NETO2: variants seen among roughly 807,000 people sequenced by gnomAD.
The protein encoded by NETO2 is neuropilin and tolloid like 2, also known as neuropilin and tolloid-like protein 2.
A neutral mutation model predicts 62.5 loss-of-function variants in NETO2; 28 were observed. The ratio of observed to expected loss-of-function variants is 0.45; its 90% CI spans 0.33 to 0.61. The LOEUF (loss-of-function observed/expected upper bound fraction) is 0.61. Among genes scored for constraint, NETO2 ranks in the 20% least tolerant of loss-of-function variants. The pLI, the probability that NETO2 is intolerant of heterozygous loss-of-function variation, is 0.02. For missense variants in NETO2, 548 were observed against 643.2 expected, an observed-to-expected ratio of 0.85 and a Z score of 1.60; for synonymous variants, 214 against 219.1, an observed-to-expected ratio of 0.98 and a Z score of 0.21.
At chr16:47,117,309 T>C (rs186896914) in intron 6 of NETO2, among the ~76,000 whole-genome samples, 1 of 152,356 alleles carries the variant, frequency 6.6e-6, no homozygotes, top group East Asian at 1.9e-4. Flanking sequence ...AATCTTTGAT[T>C]TCAAGTAATT....
chr16:47,132,041 A>G lies in NETO2; in HGVS notation c.35-16T>C. The G allele has an allele frequency of 6.3e-7, 1 of 1,597,996 alleles. No individual in the cohort carries two copies. The highest frequency in any genetic ancestry group is 8.6e-7 in the Non-Finnish European group (1 of 1,166,836). ...ATTAACAACACTAGAGAAATAACAG[A>G]GAAGAAAAGTTATGAAATTGAATCT... On this transcript the variant is annotated splice_polypyrimidine_tract_variant and intron_variant, in intron 1 of 8. Transcript: ENST00000562435.
At chr16:47,100,592 T>C (rs537170976) in intron 7 of NETO2, among the ~76,000 whole-genome samples, 4 of 151,736 alleles carry the variant, frequency 2.6e-5, no homozygotes, top group African/African-American at 7.2e-5. Flanking sequence ...AAGAATCAAA[T>C]AGACACAATA....
chr16:47,102,165 C>T (rs895435587), intron 7 of NETO2, among the ~76,000 whole-genome samples: 8 of 152,172 alleles, frequency 5.3e-5, no homozygotes, highest in Non-Finnish European at 7.4e-5. Context: ...ACAAATCTGA[C>T]GAAAACAAGC....
chr16:47,114,665 T>C (rs1963873210), intron 6 of NETO2, among the ~76,000 whole-genome samples: 1 of 151,670 alleles, frequency 6.6e-6, no homozygotes, highest in Non-Finnish European at 1.5e-5. Flanking sequence ...TTAGCCAGGA[T>C]GGCCTCGATT....
intron 6 of NETO2, among the ~76,000 whole-genome samples, chr16:47,120,982 C>T (rs138518187): frequency 2.8e-4 from 43 of 152,042 alleles, no homozygotes; most frequent in African/African-American, 9.7e-4. Context: ...CACATGTGTG[C>T]GTCAACATCC....
intron 1 of NETO2, among the ~76,000 whole-genome samples, chr16:47,135,872 G>A (rs1191259998): frequency 6.6e-6 from 1 of 151,936 alleles, no homozygotes; most frequent in Non-Finnish European, 1.5e-5. Flanking sequence ...CAATGTTATT[G>A]AAAACCTAAA....
At chr16:47,125,953 A>T (rs1964148943) in intron 4 of NETO2, among the ~76,000 whole-genome samples, 1 of 152,158 alleles carries the variant, frequency 6.6e-6, no homozygotes, top group Non-Finnish European at 1.5e-5. Context: ...AATCATCCCA[A>T]GCTGAAAGTC....
At chr16:47,129,978 G>A (rs549805733) in intron 2 of NETO2, among the ~76,000 whole-genome samples, 1 of 152,318 alleles carries the variant, frequency 6.6e-6, no homozygotes, top group Admixed American at 6.5e-5. Flanking sequence ...CTAGTTAAAA[G>A]TCTGTTTAGA....
intron 7 of NETO2, among the ~76,000 whole-genome samples, chr16:47,093,642 A>T (rs1246363592): frequency 6.6e-6 from 1 of 152,180 alleles, no homozygotes; most frequent in Non-Finnish European, 1.5e-5. Context: ...TGGCTTCATA[A>T]CCCAATTGAC....
At chr16:47,136,071 T>C (rs1313729759) in intron 1 of NETO2, among the ~76,000 whole-genome samples, 1 of 152,218 alleles carries the variant, frequency 6.6e-6, no homozygotes, top group Non-Finnish European at 1.5e-5. Context: ...AAACTCTTAG[T>C]GGGTCCTGTT....
chr16:47,119,917 G>T (rs1345431086), intron 6 of NETO2, among the ~76,000 whole-genome samples: 1 of 152,178 alleles, frequency 6.6e-6, no homozygotes, highest in Non-Finnish European at 1.5e-5. Context: ...TATCTGTTTT[G>T]ATGAATGTTT....
chr16:47,097,359 A>G (rs1476326941), intron 7 of NETO2, among the ~76,000 whole-genome samples: 7 of 152,176 alleles, frequency 4.6e-5, no homozygotes, highest in Admixed American at 4.6e-4. Context: ...GCCATGACTG[A>G]GGCTTGAGTA....
rs1567374917 is a variant in NETO2, at chr16:47,078,644, G to T, written c.*4577C>A. The T allele has an allele frequency of 6.6e-6, 1 of 152,176 alleles. No individual in the cohort carries two copies. Among genetic ancestry groups the T allele is most frequent in the Admixed American group, 6.5e-5 (1 of 15,280 alleles). The allele number at this position is 152,176 out of a possible 1,614,324, so 9.4% of individuals were successfully genotyped here. ...ATCCAAGATAATCTTGTTATTTACA[G>T]TAACTCAAACTCCAATCATTCTCCA... On this transcript the variant is annotated 3_prime_UTR_variant, in exon 9 of 9. Coordinates refer to ENST00000562435, the MANE Select transcript of NETO2 (RefSeq NM_018092.5).
chr16:47,089,331 A>T (rs1042867041), intron 7 of NETO2, among the ~76,000 whole-genome samples: 3 of 152,220 alleles, frequency 2.0e-5, no homozygotes, highest in Non-Finnish European at 4.4e-5. Flanking sequence ...GTAATCAATA[A>T]AAATGGTTTC....
chr16:47,083,168 TG>T lies in NETO2; in HGVS notation c.*52del. On this transcript the variant is annotated 3_prime_UTR_variant, in exon 9 of 9. Coordinates refer to ENST00000562435, the MANE Select transcript of NETO2 (RefSeq NM_018092.5). ...GGCTGCTGGAAACAGTATGGTGCCC[TG>T]GAGGCTGCGTACGTACACACCCTAA... 1 of 1,486,822 alleles carries T rather than the reference TG, an allele frequency of 6.7e-7. No homozygotes were observed. The highest frequency in any genetic ancestry group is 9.1e-7 in the Non-Finnish European group (1 of 1,093,360). 92.1% of individuals were successfully genotyped at this position (1,486,822 alleles called of 1,614,324 possible). A position where few individuals can be genotyped will look rare whatever the true frequency, so the allele number is the denominator to read the frequency against.
intron 6 of NETO2, among the ~76,000 whole-genome samples, chr16:47,114,447 T>C (rs933875051): frequency 2.6e-5 from 3 of 114,324 alleles, no homozygotes; most frequent in Admixed American, 8.3e-5. Context: ...TTCTTTTTTT[T>C]TTTTTTTTTT....
Position 47,086,377 on chromosome 16 carries a change from G to C in NETO2, c.884-38C>G, listed in dbSNP as rs773193729. ...AAAACAGTGTTGCAAAGAGCAGGCA[G>C]ACCACCTGATTTTATTTCATACATA... On this transcript the variant is annotated intron_variant, in intron 7 of 8. Coordinates refer to ENST00000562435, the MANE Select transcript of NETO2 (RefSeq NM_018092.5). The C allele has an allele frequency of 1.7e-5, 23 of 1,353,860 alleles. No individual in the cohort carries two copies. The Admixed American group carries it at 3.5e-4, about 20-fold the overall frequency. 83.9% of individuals were successfully genotyped at this position (1,353,860 alleles called of 1,614,324 possible).
chr16:47,083,076 A>G lies in NETO2; in HGVS notation c.*145T>C. 1.4e-6 allele frequency: 1 copy of G among 691,966 alleles called. No individual in the cohort carries two copies. Among genetic ancestry groups the G allele is most frequent in the Non-Finnish European group, 2.4e-6 (1 of 413,500 alleles). The allele number at this position is 691,966 out of a possible 1,614,324, so 42.9% of individuals were successfully genotyped here. ...ATATATAGACTGCCTGAGAGAATAA[A>G]AACATCACCATACAATAGGTTAACG... On this transcript the variant is annotated 3_prime_UTR_variant, in exon 9 of 9. Coordinates refer to ENST00000562435, the MANE Select transcript of NETO2 (RefSeq NM_018092.5).
At chr16:47,100,308 A>T (rs1246698270) in intron 7 of NETO2, among the ~76,000 whole-genome samples, 1 of 152,190 alleles carries the variant, frequency 6.6e-6, no homozygotes, top group African/African-American at 2.4e-5. Flanking sequence ...CAGCTAAAGC[A>T]GTGTTTAGAG....
Sources: allele counts gnomAD v4.1 joint callset (sites outside exome capture counted in the v4.1 genomes callset), GRCh38; gene constraint gnomAD v4.1.1; transcripts MANE v1.5; gene names NCBI Gene and HGNC (gene_info 2026-07-23, HGNC 2026-07-21).